WWOX: variants seen among roughly 807,000 people sequenced by gnomAD.
WWOX encodes WW domain containing oxidoreductase, also known as WW domain-containing oxidoreductase.
WWOX carries 69 observed loss-of-function variants against 46.2 expected under a neutral mutation model. That is an observed-to-expected ratio of 1.49 (90% CI 1.23 to 1.82). The LOEUF is 1.82. WWOX is among the 40% of genes most tolerant of loss of function. The probability of loss-of-function intolerance (pLI) is 0.00; values close to 1 mark genes in which losing one functional copy is unlikely to be tolerated. For missense variants in WWOX, 919 were observed against 542.6 expected, an observed-to-expected ratio of 1.69 and a Z score of -6.89; for synonymous variants, 359 against 202.6, an observed-to-expected ratio of 1.77 and a Z score of -6.56.
At chr16:78,840,913 T>A (rs1024760165) in intron 8 of WWOX, among the ~76,000 whole-genome samples, 2 of 151,996 alleles carry the variant, frequency 1.3e-5, no homozygotes, top group Non-Finnish European at 2.9e-5. Flanking sequence ...TAGACGTAGT[T>A]CTCAATAGTA....
At chr16:78,196,364 G>A (rs961670376) in intron 5 of WWOX, among the ~76,000 whole-genome samples, 1 of 152,126 alleles carries the variant, frequency 6.6e-6, no homozygotes, top group Non-Finnish European at 1.5e-5. Flanking sequence ...TTCCCTGAAG[G>A]ACATATAAAA....
Position 78,344,804 on chromosome 16 carries a change from G to C in WWOX, c.517-42056G>C, listed in dbSNP as rs1449619293. On this transcript the variant is annotated intron_variant, in intron 5 of 8. Coordinates refer to ENST00000566780, the MANE Select transcript of WWOX (RefSeq NM_016373.4). ...TCTCACTTGTTCCTTATTTAAAATA[G>C]AGAAAAGTGCATCAAGCTCTTGTTA... Among the ~76,000 whole-genome samples, 2 of 121,644 alleles carry C rather than the reference G, an allele frequency of 1.6e-5. 1 individual carries two copies. The highest frequency in any genetic ancestry group is 3.9e-5 in the Non-Finnish European group (2 of 50,828). The allele number at this position is 121,644 out of a possible 152,430, so 79.8% of individuals were successfully genotyped here.
chr16:78,902,476 G>T (rs1175802407), intron 8 of WWOX, among the ~76,000 whole-genome samples: 1 of 152,248 alleles, frequency 6.6e-6, no homozygotes, highest in Non-Finnish European at 1.5e-5. Context: ...GAAAGGCTAG[G>T]GTTAAGGCAT....
In WWOX at chr16:78,118,694, A is replaced by G. The variant is rs1374695635; in HGVS notation, c.409+3540A>G. Among the ~76,000 whole-genome samples, 3 of 152,184 alleles carry G rather than the reference A, an allele frequency of 2.0e-5. No homozygotes were observed. In the South Asian group the frequency reaches 6.2e-4, roughly 32 times the overall value. On this transcript the variant is annotated intron_variant, in intron 4 of 8. Transcript: ENST00000566780. ...ATATTTACTCTTTGGCCTTTCCCAG[A>G]AAAAAGTGCCGACTGCTATGTTAGA...
At chr16:79,018,800 C>T (rs2047469353) in intron 8 of WWOX, among the ~76,000 whole-genome samples, 1 of 151,954 alleles carries the variant, frequency 6.6e-6, no homozygotes, top group South Asian at 2.1e-4. Context: ...ATTTTTGTTC[C>T]CCATAGACCC....
intron 8 of WWOX, among the ~76,000 whole-genome samples, chr16:79,081,919 C>G (rs561848126): frequency 1.3e-5 from 2 of 152,270 alleles, no homozygotes; most frequent in South Asian, 4.1e-4. Context: ...CACAGTGAAA[C>G]CGTAGCAAAA....
At chr16:78,697,603 A>G (rs2048128545) in intron 8 of WWOX, among the ~76,000 whole-genome samples, 1 of 152,208 alleles carries the variant, frequency 6.6e-6, no homozygotes, top group Non-Finnish European at 1.5e-5. Flanking sequence ...ACATGAATAG[A>G]CAGTTCTCAA....
At chr16:78,822,295 C>T (rs535155701) in intron 8 of WWOX, among the ~76,000 whole-genome samples, 1 of 152,102 alleles carries the variant, frequency 6.6e-6, no homozygotes, top group East Asian at 1.9e-4. Context: ...GGAGTTCAAG[C>T]CCAGCCTGGC....
intron 5 of WWOX, among the ~76,000 whole-genome samples, chr16:78,299,141 C>G (rs1029446463): frequency 6.6e-6 from 1 of 152,098 alleles, no homozygotes; most frequent in Non-Finnish European, 1.5e-5. Context: ...TCTGAAGAAC[C>G]CAGAAGACTG....
intron 8 of WWOX, among the ~76,000 whole-genome samples, chr16:78,538,834 A>G (rs1355253795): frequency 1.3e-5 from 2 of 152,148 alleles, no homozygotes; most frequent in Non-Finnish European, 2.9e-5. Flanking sequence ...CTGATATTGG[A>G]GGATTGTTTA....
At chr16:79,020,015 T>G (rs2656653) in intron 8 of WWOX, among the ~76,000 whole-genome samples, 1 of 152,100 alleles carries the variant, frequency 6.6e-6, no homozygotes, top group African/African-American at 2.4e-5. Flanking sequence ...GAGCTCATCA[T>G]TAACATGCCT....
At chr16:78,266,426 G>T (rs2079364057) in intron 5 of WWOX, among the ~76,000 whole-genome samples, 1 of 152,160 alleles carries the variant, frequency 6.6e-6, no homozygotes, top group African/African-American at 2.4e-5. Context: ...GGCCCATAAA[G>T]CCTAAAATAC....
intron 8 of WWOX, among the ~76,000 whole-genome samples, chr16:79,043,851 C>G (rs926007138): frequency 8.5e-5 from 13 of 152,326 alleles, no homozygotes; most frequent in African/African-American, 2.9e-4. Flanking sequence ...AGAGAGCAAA[C>G]TCTGGAAGTG....
chr16:78,742,474 G>C (rs1389690208), intron 8 of WWOX, among the ~76,000 whole-genome samples: 1 of 152,226 alleles, frequency 6.6e-6, no homozygotes, highest in Admixed American at 6.5e-5. Flanking sequence ...CAGGTTGGAA[G>C]TATTTATCTA....
chr16:78,765,069 C>G (rs1343056274), intron 8 of WWOX, among the ~76,000 whole-genome samples: 3 of 152,174 alleles, frequency 2.0e-5, no homozygotes, highest in African/African-American at 7.2e-5. Context: ...GTCTCAGCAT[C>G]TCGAAATGAG....
At chr16:78,625,654 A>T (rs77664573) in intron 8 of WWOX, among the ~76,000 whole-genome samples, 6,135 of 151,860 alleles carry the variant, frequency 0.04, 175 homozygotes, top group South Asian at 0.11. Context: ...GGTTTTTGCC[A>T]TTAAAAGTAA....
intron 8 of WWOX, among the ~76,000 whole-genome samples, chr16:78,805,765 C>T (rs956748387): frequency 9.2e-5 from 14 of 152,220 alleles, no homozygotes; most frequent in African/African-American, 3.4e-4. Context: ...GCTATATCTC[C>T]ATAGATATCC....
intron 4 of WWOX, among the ~76,000 whole-genome samples, chr16:78,156,231 G>A (rs1323535899): frequency 6.6e-6 from 1 of 151,852 alleles, no homozygotes; most frequent in Non-Finnish European, 1.5e-5. Flanking sequence ...TGTCAGATGT[G>A]CCCTTTCTGG....
intron 8 of WWOX, among the ~76,000 whole-genome samples, chr16:78,653,206 A>T (rs1159911611): frequency 1.3e-5 from 2 of 152,244 alleles, no homozygotes; most frequent in African/African-American, 4.8e-5. Flanking sequence ...TTGAAAAAAC[A>T]TACTAGTAAT....
Sources: allele counts gnomAD v4.1 joint callset (sites outside exome capture counted in the v4.1 genomes callset), GRCh38; gene constraint gnomAD v4.1.1; transcripts MANE v1.5; gene names NCBI Gene and HGNC (gene_info 2026-07-23, HGNC 2026-07-21).